Variants in ZMYM6 observed in about 807,000 individuals in gnomAD.
ZMYM6 encodes zinc finger MYM-type containing 6.
Under a neutral mutation model 134.0 loss-of-function variants are expected in ZMYM6, and 90 were observed. The ratio of observed to expected loss-of-function variants is 0.67; its 90% CI spans 0.57 to 0.80. ZMYM6 has a LOEUF of 0.80. Among genes scored for constraint, ZMYM6 ranks in the 30% least tolerant of loss-of-function variants. The probability of loss-of-function intolerance (pLI) is 0.00; values close to 1 mark genes in which losing one functional copy is unlikely to be tolerated. For synonymous variants in ZMYM6, 481 were observed against 524.1 expected (o/e 0.92, Z 1.12); for missense variants, 1,362 against 1,533.9 (o/e 0.89, Z 1.87).
Position 34,987,504 on chromosome 1 carries a change from C to T in ZMYM6, c.3578G>A (p.Gly1193Glu). The stretch of plus-strand genomic sequence containing the variant: ...ACAGTCACTGAACACTTGAGAAAGT[C>T]CTTCCAGGTGCTCAAAAATAATCCT... ...ITRIIFEHLEGLSQVFSDCFP... is the reference protein window; with the variant it reads ...ITRIIFEHLEELSQVFSDCFP... Residue 1193 changes from glycine (G) to glutamate (E), a missense_variant, in exon 16 of 16, where the codon GGA becomes GAA. Coordinates refer to ENST00000357182, the MANE Select transcript of ZMYM6 (RefSeq NM_007167.4). 1.9e-6 allele frequency: 3 copies of T among 1,612,984 alleles called. No individual in the cohort carries two copies. The highest frequency in any genetic ancestry group is 2.5e-6 in the Non-Finnish European group (3 of 1,179,436).
intron 12 of ZMYM6, 32 bp downstream of exon 12, chr1:35,006,919 A>T (rs1403569442): frequency 6.3e-7 from 1 of 1,591,812 alleles, no homozygotes; most frequent in South Asian, 1.2e-5. Context: ...TAGCACTGAC[A>T]TAAAAATCCC....
intron 14 of ZMYM6, 31 bp from the exon 15 acceptor site, chr1:34,992,418 A>G: frequency 6.2e-7 from 1 of 1,603,848 alleles, no homozygotes; most frequent in East Asian, 2.2e-5. Context: ...AAACCAAAGA[A>G]AGATTTTTTT....
intron 4 of ZMYM6, chr1:35,019,126 C>T: frequency 4.9e-6 from 3 of 609,448 alleles, no homozygotes; most frequent in South Asian, 2.3e-5. Context: ...TATTTCTTTC[C>T]ATAGTAAAAT....
At chr1:34,998,257 A>C (rs1469554959) in intron 14 of ZMYM6, among the ~76,000 whole-genome samples, 1 of 152,116 alleles carries the variant, frequency 6.6e-6, no homozygotes, top group Non-Finnish European at 1.5e-5. Flanking sequence ...CAGTCTGGGC[A>C]AGACTCCGTC....
At chr1:35,020,566 T>G in intron 2 of ZMYM6, 99 bp from the exon 3 acceptor site, 29 of 332,598 alleles carry the variant, frequency 8.7e-5, no homozygotes, top group East Asian at 2.7e-4. Flanking sequence ...CCTATTCATC[T>G]CCTTTTTTTT....
At chr1:34,997,263 C>G (rs1467991030) in intron 14 of ZMYM6, among the ~76,000 whole-genome samples, 1 of 152,186 alleles carries the variant, frequency 6.6e-6, no homozygotes, top group Non-Finnish European at 1.5e-5. Flanking sequence ...CATTTTCCTA[C>G]TGGCATTTAA....
At chr1:34,995,332 A>G (rs1245284977) in intron 14 of ZMYM6, among the ~76,000 whole-genome samples, 3 of 151,048 alleles carry the variant, frequency 2.0e-5, no homozygotes, top group Admixed American at 1.3e-4. Flanking sequence ...CATATACAAT[A>G]TATGTATATA....
At position 34,987,299 on chromosome 1, in the gene ZMYM6, C is replaced by T; in HGVS notation, c.3783G>A (p.Lys1261=). The T allele has an allele frequency of 6.2e-7, 1 of 1,612,046 alleles. No individual in the cohort carries two copies. Among genetic ancestry groups the T allele is most frequent in the Non-Finnish European group, 8.5e-7 (1 of 1,179,016 alleles). The part of the protein sequence containing the change: ...VSVTQFWINA[K]TSYPELHERA... ...TTTCATGGAGTTCTGGGTAACTTGT[C>T]TTTGCATTTATCCAAAACTGAGTTA... The change falls in exon 16 of 16, where the codon AAG becomes AAA. Residue 1261 remains lysine (K), a synonymous_variant. Coordinates refer to ENST00000357182, the MANE Select transcript of ZMYM6 (RefSeq NM_007167.4).
chr1:34,990,111 G>C (rs1640645800), intron 15 of ZMYM6: 1 of 159,352 alleles, frequency 6.3e-6, no homozygotes, highest in Non-Finnish European at 1.4e-5. Flanking sequence ...GGATCCTCCT[G>C]AACACTGCTG....
intron 8 of ZMYM6, 77 bp from the exon 9 acceptor site, chr1:35,011,113 T>A: frequency 6.9e-7 from 1 of 1,440,278 alleles, no homozygotes; most frequent in Non-Finnish European, 9.3e-7. Flanking sequence ...TTCCTCATTT[T>A]AATAAATCAA....
intron 14 of ZMYM6, among the ~76,000 whole-genome samples, chr1:35,000,169 C>G (rs1000376889): frequency 2.6e-5 from 4 of 152,154 alleles, no homozygotes; most frequent in Non-Finnish European, 5.9e-5. Context: ...CTCCTGGACT[C>G]AAGTGATCCT....
In ZMYM6 at chr1:34,987,743, C is replaced by T; in HGVS notation, c.3339G>A (p.Leu1113=). The T allele has an allele frequency of 6.4e-7, 1 of 1,551,384 alleles. No individual in the cohort carries two copies. Among genetic ancestry groups the T allele is most frequent in the Non-Finnish European group, 8.7e-7 (1 of 1,146,936 alleles). The change falls in exon 16 of 16, where the codon CTG becomes CTA. Residue 1113 remains leucine, a synonymous_variant. Transcript: ENST00000357182. ...YFHDEEWVGK[L]AYLSDIFSLI... Reference sequence around the variant, plus strand: ...GTGAAAATATATCTGATAAGTAGGCCAGCTTTCCAACCCATTCCTCATCAT... The same window carrying T: ...GTGAAAATATATCTGATAAGTAGGCTAGCTTTCCAACCCATTCCTCATCAT...
chr1:35,016,028 A>G (rs1641181499), intron 4 of ZMYM6, among the ~76,000 whole-genome samples: 1 of 149,560 alleles, frequency 6.7e-6, no homozygotes. Flanking sequence ...GCTCACTGCA[A>G]TCTCCACCTC....
rs1381116805 is a variant in ZMYM6, at chr1:34,992,366, T to C, written c.2014A>G (p.Met672Val). 4.3e-6 allele frequency: 7 copies of C among 1,613,822 alleles called. No homozygotes were observed. The highest frequency in any genetic ancestry group is 3.3e-4 in the Middle Eastern group (2 of 6,084). ...GAAGATTGGGAAGATGGAAATTTCA[T>C]AGCATCTTCCTGTGTACTTTCCTAG... ...IQDESTQEDA[M>V]KFPSSQSSQP... is the part of the protein sequence containing the mutation. The change falls in exon 15 of 16, where the codon ATG (methionine) becomes GTG (valine). Residue 672 changes from methionine to valine, a missense_variant. Physicochemically the swap from Met to Val is conservative, Grantham distance 21 (BLOSUM62 1). Around this residue, in one of 3 missense-constraint regions of ZMYM6, gnomAD observed 824 missense variants for 940.9 expected, o/e 0.88. Coordinates refer to ENST00000357182, the MANE Select transcript of ZMYM6 (RefSeq NM_007167.4).
Position 35,003,970 on chromosome 1 carries a change from C to T in ZMYM6, c.1990G>A (p.Asp664Asn). The T allele has an allele frequency of 6.2e-7, 1 of 1,612,184 alleles. No individual in the cohort carries two copies. Among genetic ancestry groups the T allele is most frequent in the Non-Finnish European group, 8.5e-7 (1 of 1,178,734 alleles). ...AAAGTATTAACAATTAAACTCACAT[C>T]TTGAATGATCTTTGCTGCCTCTTTA... ...VTKEAAKIIQ[D>N]ESTQEDAMKF... Residue 664 changes from aspartate to asparagine, a missense_variant and splice_region_variant, in exon 14 of 16, where the codon GAT (aspartate) becomes AAT (asparagine). Transcript: ENST00000357182.
intron 2 of ZMYM6, among the ~76,000 whole-genome samples, chr1:35,027,584 A>G (rs1036485168): frequency 1.3e-5 from 2 of 152,036 alleles, no homozygotes; most frequent in African/African-American, 4.8e-5. Context: ...CCCCGTCTCT[A>G]CAAAAACTAG....
chr1:34,991,819 G>A (rs1640680807), intron 15 of ZMYM6, among the ~76,000 whole-genome samples: 1 of 152,022 alleles, frequency 6.6e-6, no homozygotes, highest in Admixed American at 6.6e-5. Context: ...TTTAGGCACA[G>A]TAGACTATTA....
Position 35,014,979 on chromosome 1 carries a change from G to GT in ZMYM6, c.603+8dup. ...AGCAGAATCCCAATAAAAGTAAAAT[G>GT]TAACTTACATCAGCATTCTTCTGAC... On this transcript the variant is annotated intron_variant, in intron 5 of 15. Transcript: ENST00000357182. 1.9e-6 allele frequency: 3 copies of GT among 1,610,096 alleles called. No homozygotes were observed. The highest frequency in any genetic ancestry group is 2.5e-6 in the Non-Finnish European group (3 of 1,179,148).
At chr1:35,012,709 A>ATTTC in intron 6 of ZMYM6, 128 bp from the exon 7 acceptor site, 1 of 1,453,308 alleles carries the variant, frequency 6.9e-7, no homozygotes, top group South Asian at 1.5e-5. Flanking sequence ...TGATGATGAA[A>ATTTC]CCACACTATT....
Sources: allele counts gnomAD v4.1 joint callset (sites outside exome capture counted in the v4.1 genomes callset), GRCh38; gene constraint gnomAD v4.1.1; regional missense constraint gnomAD v4.1.1; transcripts MANE v1.5; gene names NCBI Gene and HGNC (gene_info 2026-07-23, HGNC 2026-07-21).